The following CYSTM1 variants were observed in gnomAD, a reference collection of about 807,000 sequenced individuals.
CYSTM1 encodes the protein cysteine rich transmembrane module containing 1.
In CYSTM1, 4 loss-of-function variants were observed where a neutral mutation model predicts 13.1. The observed-to-expected ratio is 0.31, with a 90% CI of 0.15 to 0.70. CYSTM1 has a LOEUF of 0.70. CYSTM1 is among the 30% of genes least tolerant of loss of function. The pLI is 0.72. For missense variants in CYSTM1, 96 were observed against 121.6 expected, an observed-to-expected ratio of 0.79 and a Z score of 0.99; for synonymous variants, 36 against 42.7, an observed-to-expected ratio of 0.84 and a Z score of 0.62.
chr5:140,218,497 G>A (rs1764456899), intron 2 of CYSTM1, among the ~76,000 whole-genome samples: 1 of 152,178 alleles, frequency 6.6e-6, no homozygotes, highest in Non-Finnish European at 1.5e-5. Flanking sequence ...CCCAATAAGG[G>A]AATAGGTACT....
chr5:140,203,323 C>T (rs1764253953), intron 2 of CYSTM1: 1 of 152,174 alleles, frequency 6.6e-6, no homozygotes, highest in Admixed American at 6.5e-5. Context: ...CTTACATAGC[C>T]ACAATACAAT....
At chr5:140,235,835 C>T (rs965423585) in intron 2 of CYSTM1, among the ~76,000 whole-genome samples, 2 of 152,212 alleles carry the variant, frequency 1.3e-5, no homozygotes, top group African/African-American at 4.8e-5. Context: ...CTATCTGAGG[C>T]AGTGGCATTA....
chr5:140,222,986 G>A (rs1764508945), intron 2 of CYSTM1, among the ~76,000 whole-genome samples: 1 of 152,142 alleles, frequency 6.6e-6, no homozygotes, highest in Admixed American at 6.5e-5. Flanking sequence ...ACATATCCTG[G>A]CCTGTAGTCT....
Position 140,194,505 on chromosome 5 carries a change from C to A in CYSTM1, c.40C>A (p.Pro14Thr). 1 of 1,610,360 alleles carries A rather than the reference C, an allele frequency of 6.2e-7. No individual in the cohort carries two copies. ...ENPPPYPGPG[P>T]TAPYPPYPPQ... ...CCCTCCACCATATCCAGGCCCTGGT[C>A]CAACGGCCCCATACCCACCTTATCC... Residue 14 changes from proline (P) to threonine (T), a missense_variant, in exon 2 of 3, where the codon CCA (proline) becomes ACA (threonine). Pro to Thr is a conservative substitution (Grantham distance 38). Coordinates refer to ENST00000261811, the MANE Select transcript of CYSTM1 (RefSeq NM_032412.4).
At chr5:140,211,508 A>G (rs189969813) in intron 2 of CYSTM1, among the ~76,000 whole-genome samples, 28 of 152,332 alleles carry the variant, frequency 1.8e-4, no homozygotes, top group Non-Finnish European at 3.8e-4. Flanking sequence ...AGCTATAATA[A>G]CATCTTGTCT....
intron 2 of CYSTM1, among the ~76,000 whole-genome samples, chr5:140,232,019 A>G (rs1211378989): frequency 2.0e-5 from 3 of 152,206 alleles, no homozygotes; most frequent in African/African-American, 7.2e-5. Context: ...GAGAGAAATG[A>G]ATGCATTTGA....
At chr5:140,209,269 C>CTT (rs70988736) in intron 2 of CYSTM1, among the ~76,000 whole-genome samples, 3 of 137,344 alleles carry the variant, frequency 2.2e-5, no homozygotes, top group Non-Finnish European at 3.2e-5. Flanking sequence ...TCTTTCTTTT[C>CTT]TTTTTTTTTT....
chr5:140,182,548 G>T (rs532562945), intron 1 of CYSTM1, among the ~76,000 whole-genome samples: 1 of 151,800 alleles, frequency 6.6e-6, no homozygotes, highest in South Asian at 2.1e-4. Flanking sequence ...GTGTTACATT[G>T]TTCTTTCTGT....
chr5:140,202,359 A>G (rs1202634336), intron 2 of CYSTM1: 6 of 152,256 alleles, frequency 3.9e-5, no homozygotes, highest in Non-Finnish European at 7.3e-5. Context: ...ATCTCACCCT[A>G]AGGATTAGAT....
At chr5:140,195,586 C>G (rs1055691479) in intron 2 of CYSTM1, among the ~76,000 whole-genome samples, 9 of 151,556 alleles carry the variant, frequency 5.9e-5, no homozygotes, top group African/African-American at 1.9e-4. Context: ...GGACTACAGG[C>G]GCCTGCCACC....
chr5:140,240,193 C>A (rs1487632422), intron 2 of CYSTM1, among the ~76,000 whole-genome samples: 1 of 152,072 alleles, frequency 6.6e-6, no homozygotes, highest in Non-Finnish European at 1.5e-5. Flanking sequence ...GCTCTTTTAA[C>A]CCCTCTCCCT....
At chr5:140,204,982 T>C (rs1245738558) in intron 2 of CYSTM1, among the ~76,000 whole-genome samples, 1 of 152,192 alleles carries the variant, frequency 6.6e-6, no homozygotes, top group East Asian at 1.9e-4. Context: ...AGGACTGTGA[T>C]ATCTGGCAAC....
At chr5:140,193,967 C>T (rs114376846) in intron 1 of CYSTM1, among the ~76,000 whole-genome samples, 2,481 of 152,302 alleles carry the variant, frequency 0.016, 41 homozygotes, top group Non-Finnish European at 0.027. Context: ...GTTAGAAGGC[C>T]CCACTGTGGC....
chr5:140,181,974 A>G (rs1307012344), intron 1 of CYSTM1, among the ~76,000 whole-genome samples: 1 of 152,136 alleles, frequency 6.6e-6, no homozygotes, highest in African/African-American at 2.4e-5. Context: ...AGTAAACCCT[A>G]GTGTTTTTCA....
rs780102301 is a variant in CYSTM1, at chr5:140,194,625, G to A, written c.160G>A (p.Gly54Arg). ...QGYPQYGWQGGPQEPPKTTVY... is the reference protein window; with the variant it reads ...QGYPQYGWQGRPQEPPKTTVY... ...ATACCCACAGTACGGCTGGCAGGGT[G>A]GACCTCAGGAGCCTCCTAAAACCAC... The change falls in exon 2 of 3, where the codon GGA (glycine) becomes AGA (arginine). Residue 54 changes from glycine to arginine, a missense_variant. Transcript: ENST00000261811. 1.5e-5 allele frequency: 25 copies of A among 1,613,136 alleles called. No homozygotes were observed. In the East Asian group the frequency reaches 4.9e-4, roughly 32 times the overall value.
At chr5:140,203,682 T>C (rs1764257047) in intron 2 of CYSTM1, among the ~76,000 whole-genome samples, 2 of 152,194 alleles carry the variant, frequency 1.3e-5, no homozygotes, top group African/African-American at 2.4e-5. Context: ...ATATAGGTGA[T>C]CTGTCATTTT....
chr5:140,204,948 G>T (rs1764280131), intron 2 of CYSTM1, among the ~76,000 whole-genome samples: 1 of 152,136 alleles, frequency 6.6e-6, no homozygotes, highest in South Asian at 2.1e-4. Context: ...AGATATTGGG[G>T]TTTTATTTAT....
intron 1 of CYSTM1, among the ~76,000 whole-genome samples, chr5:140,180,249 C>A (rs976542244): frequency 2.0e-5 from 3 of 152,162 alleles, no homozygotes; most frequent in African/African-American, 7.2e-5. Flanking sequence ...GTCACTCAAT[C>A]TAGTAGGATT....
chr5:140,232,268 C>T (rs888906508), intron 2 of CYSTM1, among the ~76,000 whole-genome samples: 1 of 152,118 alleles, frequency 6.6e-6, no homozygotes, highest in Non-Finnish European at 1.5e-5. Context: ...GTCAGGTAAG[C>T]AATTGTATAT....
Sources: gnomAD v4.1 joint callset for allele counts (sites outside exome capture counted in the v4.1 genomes callset) on GRCh38, gnomAD v4.1.1 for gene constraint, MANE v1.5 for transcripts, NCBI Gene and HGNC (gene_info 2026-07-23, HGNC 2026-07-21) for gene names.